PCSK5: variants seen among roughly 807,000 people sequenced by gnomAD.
PCSK5 encodes the protein proprotein convertase subtilisin/kexin type 5.
PCSK5 carries 129 observed loss-of-function variants against 233.2 expected under a neutral mutation model. That is an observed-to-expected ratio of 0.55 (90% CI 0.48 to 0.64). PCSK5 has a LOEUF of 0.64. Ranked by LOEUF, PCSK5 falls within the 30% of genes least tolerant of loss-of-function variation. The pLI, the probability that PCSK5 is intolerant of heterozygous loss-of-function variation, is 0.00. For synonymous variants in PCSK5, 825 were observed against 879.2 expected (o/e 0.94, Z 1.09); for missense variants, 2,076 against 2,430.1 (o/e 0.85, Z 3.06).
At chr9:75,928,112 TA>T (rs1823581180) in intron 1 of PCSK5, among the ~76,000 whole-genome samples, 1 of 152,126 alleles carries the variant, frequency 6.6e-6, no homozygotes, top group African/African-American at 2.4e-5. Context: ...AGAGTTGTGT[TA>T]GTGTGTGACT....
intron 21 of PCSK5, among the ~76,000 whole-genome samples, chr9:76,232,994 G>A (rs1011987233): frequency 6.6e-6 from 1 of 152,238 alleles, no homozygotes; most frequent in African/African-American, 2.4e-5. Context: ...CTACAAAGCA[G>A]TGTTTTGTTT....
intron 5 of PCSK5, among the ~76,000 whole-genome samples, chr9:76,055,915 G>T (rs1354576691): frequency 2.6e-5 from 4 of 152,206 alleles, no homozygotes; most frequent in African/African-American, 9.6e-5. Context: ...GTGGTAATAT[G>T]ATGATGCATA....
intron 2 of PCSK5, among the ~76,000 whole-genome samples, chr9:75,975,407 A>C (rs987551984): frequency 1.3e-5 from 2 of 152,224 alleles, no homozygotes; most frequent in African/African-American, 4.8e-5. Context: ...GAGAAGCAAG[A>C]TGCTGACATG....
intron 7 of PCSK5, among the ~76,000 whole-genome samples, chr9:76,094,557 T>C (rs1587619173): frequency 6.6e-6 from 1 of 152,212 alleles, no homozygotes; most frequent in Admixed American, 6.5e-5. Flanking sequence ...ACTGTGTATG[T>C]CTATATTCTA....
intron 24 of PCSK5, among the ~76,000 whole-genome samples, chr9:76,267,164 C>A (rs544578170): frequency 6.6e-6 from 1 of 152,276 alleles, no homozygotes; most frequent in East Asian, 1.9e-4. Context: ...GGGCCACCAG[C>A]CTTCTAAAAT....
At chr9:76,351,659 G>A (rs931137481) in intron 36 of PCSK5, among the ~76,000 whole-genome samples, 1 of 99,266 alleles carries the variant, frequency 1.0e-5, no homozygotes, top group African/African-American at 2.8e-5. Flanking sequence ...AAGAGAGAGA[G>A]AAAGAAAGAA....
At chr9:76,121,337 TTTAG>T (rs1339362525) in intron 9 of PCSK5, among the ~76,000 whole-genome samples, 1 of 152,146 alleles carries the variant, frequency 6.6e-6, no homozygotes, top group Non-Finnish European at 1.5e-5. Context: ...ATGAATCAGA[TTTAG>T]TTATTTAATA....
At chr9:76,125,695 G>A (rs1587659949) in intron 9 of PCSK5, among the ~76,000 whole-genome samples, 1 of 152,186 alleles carries the variant, frequency 6.6e-6, no homozygotes, top group East Asian at 1.9e-4. Flanking sequence ...TAAGAAAGAG[G>A]GTTGTACAAG....
chr9:76,226,306 G>A (rs1825889450), intron 20 of PCSK5, among the ~76,000 whole-genome samples: 1 of 152,144 alleles, frequency 6.6e-6, no homozygotes, highest in South Asian at 2.1e-4. Flanking sequence ...GCTAGCAAGT[G>A]TAAAATTTAC....
At chr9:75,965,302 G>A (rs923441286) in intron 2 of PCSK5, among the ~76,000 whole-genome samples, 3 of 151,404 alleles carry the variant, frequency 2.0e-5, no homozygotes, top group Non-Finnish European at 4.4e-5. Context: ...GAGAGAGAGA[G>A]AGAAAGAGAG....
intron 20 of PCSK5, among the ~76,000 whole-genome samples, chr9:76,220,926 C>T (rs1392307598): frequency 6.6e-6 from 1 of 152,164 alleles, no homozygotes; most frequent in East Asian, 1.9e-4. Flanking sequence ...TTCCCCACCA[C>T]CACAGAGAAC....
intron 5 of PCSK5, among the ~76,000 whole-genome samples, chr9:76,066,719 A>G (rs1336003335): frequency 6.6e-6 from 1 of 152,210 alleles, no homozygotes; most frequent in Admixed American, 6.5e-5. Context: ...AAAAAGCAGT[A>G]TATATCTCTT....
chr9:75,901,309 A>G lies in PCSK5; in HGVS notation c.192+9936A>G, dbSNP rs145708758. ...TGCAGCCATAAAGAAGAATGAGTTCATGTACTTTGCAGGGATATGGATGAA... is the reference window on the plus strand; with the variant it reads ...TGCAGCCATAAAGAAGAATGAGTTCGTGTACTTTGCAGGGATATGGATGAA... On this transcript the variant is annotated intron_variant, in intron 1 of 37. Coordinates refer to ENST00000674117, the MANE Select transcript of PCSK5 (RefSeq NM_001372043.1). Among the ~76,000 whole-genome samples the G allele has an allele frequency of 1.1e-3, 161 of 152,312 alleles. 1 individual carries two copies. The East Asian group carries it at 0.027, about 26-fold the overall frequency.
chr9:76,174,937 T>C, intron 13 of PCSK5, 49 bp from the exon 14 acceptor site: 1 of 1,547,116 alleles, frequency 6.5e-7, no homozygotes, highest in Non-Finnish European at 8.7e-7. Flanking sequence ...GTTACAGAGC[T>C]AAAGAGGGAA....
chr9:76,327,165 G>A (rs1330561337), intron 32 of PCSK5, among the ~76,000 whole-genome samples: 2 of 150,504 alleles, frequency 1.3e-5, no homozygotes, highest in African/African-American at 4.9e-5. Context: ...GGAGTGCAGT[G>A]GTGCAATCAC....
chr9:75,929,841 C>G (rs1226155572), intron 1 of PCSK5, among the ~76,000 whole-genome samples: 2 of 151,486 alleles, frequency 1.3e-5, no homozygotes, highest in African/African-American at 4.9e-5. Context: ...GGGGTTTCCC[C>G]TTATAAAACT....
At chr9:76,036,113 T>C (rs1462102014) in intron 5 of PCSK5, among the ~76,000 whole-genome samples, 1 of 152,236 alleles carries the variant, frequency 6.6e-6, no homozygotes, top group East Asian at 1.9e-4. Flanking sequence ...GCTATTCATA[T>C]CATACAGCTT....
chr9:76,272,773 CAAAAAAAAAAAAA>C lies in PCSK5; in HGVS notation c.3143-19443_3143-19431del, dbSNP rs71372058. On this transcript the variant is annotated intron_variant, in intron 24 of 37. Coordinates refer to ENST00000674117, the MANE Select transcript of PCSK5 (RefSeq NM_001372043.1). ...CTGGTGACAGAGTGAGACTCCATCT[CAAAAAAAAAAAAA>C]AAAAAAAAAAAAAAAATTCACACTC... is the stretch of plus-strand genomic sequence containing the variant. 6.4e-4 allele frequency among the ~76,000 whole-genome samples: 32 copies of C among 49,984 alleles called. No individual in the cohort carries two copies. The South Asian group carries it at 0.044, about 68-fold the overall frequency. The allele number at this position is 49,984 out of a possible 152,430, so 32.8% of individuals were successfully genotyped here.
chr9:75,949,446 A>G (rs1273838961), intron 2 of PCSK5, among the ~76,000 whole-genome samples: 1 of 152,138 alleles, frequency 6.6e-6, no homozygotes, highest in African/African-American at 2.4e-5. Context: ...AATCATCATC[A>G]TAAAGGAACA....
Sources: gnomAD v4.1 joint callset for allele counts (sites outside exome capture counted in the v4.1 genomes callset) on GRCh38, gnomAD v4.1.1 for gene constraint, MANE v1.5 for transcripts, NCBI Gene and HGNC (gene_info 2026-07-23, HGNC 2026-07-21) for gene names.